Variants in HSD17B12 observed in about 807,000 individuals in gnomAD.
The protein encoded by HSD17B12 is very-long-chain 3-oxoacyl-CoA reductase.
HSD17B12 carries 32 observed loss-of-function variants against 39.3 expected under a neutral mutation model. That is an observed-to-expected ratio of 0.81 (90% CI 0.61 to 1.09). HSD17B12 has a LOEUF of 1.09. Among genes scored for constraint, HSD17B12 ranks in the 50% least tolerant of loss-of-function variants. The pLI is 0.00. For synonymous variants in HSD17B12, 150 were observed against 146.7 expected (o/e 1.02, Z -0.16); for missense variants, 342 against 382.9 (o/e 0.89, Z 0.89).
At chr11:43,855,058 A>C in intron 10 of HSD17B12, 86 bp from the exon 11 acceptor site, 2 of 1,120,970 alleles carry the variant, frequency 1.8e-6, no homozygotes, top group East Asian at 2.4e-5. Context: ...TAAAAACAAC[A>C]CTATAATAAA....
intron 1 of HSD17B12, among the ~76,000 whole-genome samples, chr11:43,726,107 A>G (rs2134876440): frequency 6.6e-6 from 1 of 152,352 alleles, no homozygotes; most frequent in South Asian, 2.1e-4. Flanking sequence ...TAATAAAAGC[A>G]TATGGCTGAC....
chr11:43,774,953 G>A (rs1410643574), intron 3 of HSD17B12, among the ~76,000 whole-genome samples: 1 of 152,182 alleles, frequency 6.6e-6, no homozygotes. Context: ...CTAATCAGTT[G>A]ACTTTGAGTT....
the HSD17B12 span, among the ~76,000 whole-genome samples, chr11:43,609,380 T>G: frequency 6.7e-6 from 1 of 149,856 alleles, no homozygotes; most frequent in African/African-American, 2.4e-5. Flanking sequence ...TATATAATAT[T>G]TTAAAGATAG....
the HSD17B12 span, among the ~76,000 whole-genome samples, chr11:43,603,599 T>A: frequency 6.6e-6 from 1 of 152,248 alleles, no homozygotes; most frequent in Non-Finnish European, 1.5e-5. Context: ...ATGTTGTAAG[T>A]GATGGGTTAT....
chr11:43,598,223 G>C, the HSD17B12 span, among the ~76,000 whole-genome samples: 1 of 152,098 alleles, frequency 6.6e-6, no homozygotes, highest in Non-Finnish European at 1.5e-5. Flanking sequence ...GTGATTCTTT[G>C]CAACTGCTTC....
At chr11:43,589,385 T>C in the HSD17B12 span, among the ~76,000 whole-genome samples, 1 of 152,238 alleles carries the variant, frequency 6.6e-6, no homozygotes, top group African/African-American at 2.4e-5. Flanking sequence ...ATATGGTCCC[T>C]ACATTTTCTG....
the HSD17B12 span, among the ~76,000 whole-genome samples, chr11:43,572,084 A>G: frequency 5.9e-5 from 9 of 152,314 alleles, no homozygotes; most frequent in African/African-American, 1.2e-4. Flanking sequence ...GTTTCTTGGA[A>G]GACTGGACCA....
the HSD17B12 span, among the ~76,000 whole-genome samples, chr11:43,573,166 C>T: frequency 6.6e-6 from 1 of 152,204 alleles, no homozygotes; most frequent in Non-Finnish European, 1.5e-5. Flanking sequence ...CGGTTTTCAC[C>T]TTGGACAGGT....
chr11:43,689,499 C>T (rs781034453), intron 1 of HSD17B12, among the ~76,000 whole-genome samples: 12 of 152,076 alleles, frequency 7.9e-5, no homozygotes, highest in Admixed American at 2.6e-4. Flanking sequence ...GTATTTGTCT[C>T]GTGGCTTTGA....
At chr11:43,686,206 G>A (rs1175167334) in intron 1 of HSD17B12, among the ~76,000 whole-genome samples, 2 of 152,166 alleles carry the variant, frequency 1.3e-5, no homozygotes, top group Non-Finnish European at 1.5e-5. Context: ...TCTTACTGGC[G>A]AGCCAATGTT....
intron 9 of HSD17B12, among the ~76,000 whole-genome samples, chr11:43,844,325 C>T (rs1043976905): frequency 3.9e-5 from 6 of 152,078 alleles, no homozygotes; most frequent in Admixed American, 1.3e-4. Flanking sequence ...TTTATAAGAT[C>T]ATTTAAAATT....
At chr11:43,808,462 T>C (rs1171968377) in intron 4 of HSD17B12, among the ~76,000 whole-genome samples, 1 of 152,156 alleles carries the variant, frequency 6.6e-6, no homozygotes, top group African/African-American at 2.4e-5. Flanking sequence ...TCACTAATGG[T>C]ATTAATTAAA....
At chr11:43,646,848 T>C in the HSD17B12 span, among the ~76,000 whole-genome samples, 2 of 152,212 alleles carry the variant, frequency 1.3e-5, no homozygotes, top group African/African-American at 4.8e-5. Flanking sequence ...TTGTGTAATA[T>C]ACAAAGGCAA....
At chr11:43,764,795 C>T (rs1199965111) in intron 3 of HSD17B12, among the ~76,000 whole-genome samples, 2 of 152,008 alleles carry the variant, frequency 1.3e-5, no homozygotes, top group East Asian at 1.9e-4. Context: ...TCTATAAGTG[C>T]TTTATATTTT....
the HSD17B12 span, among the ~76,000 whole-genome samples, chr11:43,654,247 C>T: frequency 2.0e-5 from 3 of 151,914 alleles, no homozygotes; most frequent in Non-Finnish European, 4.4e-5. Context: ...GGGTTGTTTG[C>T]TTTTTTCTTG....
chr11:43,622,501 A>C, the HSD17B12 span, among the ~76,000 whole-genome samples: 1 of 152,106 alleles, frequency 6.6e-6, no homozygotes, highest in Non-Finnish European at 1.5e-5. Context: ...TTGGAGTCTC[A>C]CTTTCATTTT....
rs1234845150 is a variant in HSD17B12 at position 43,750,226 on chromosome 11, TC to T, written c.161-682del. ...TCCTGGAAGATTCCCGTATTGCCCT[TC>T]CCTGTTATCTACTCCACTATCCAGA... On this transcript the variant is annotated intron_variant, in intron 1 of 10. Transcript: ENST00000278353. Among the ~76,000 whole-genome samples, 8 of 152,240 alleles carry T rather than the reference TC, an allele frequency of 5.3e-5. No individual in the cohort carries two copies. The East Asian group carries it at 1.5e-3, about 29-fold the overall frequency.
the HSD17B12 span, among the ~76,000 whole-genome samples, chr11:43,600,502 C>A: frequency 2.0e-5 from 3 of 152,130 alleles, no homozygotes; most frequent in South Asian, 6.2e-4. Context: ...AGGCTGTCAG[C>A]GTGATTATTT....
the HSD17B12 span, among the ~76,000 whole-genome samples, chr11:43,658,284 T>A: frequency 1.3e-5 from 2 of 152,238 alleles, no homozygotes; most frequent in African/African-American, 4.8e-5. Flanking sequence ...ATTCTAGTTA[T>A]GCATTCGTCT....
Sources: allele counts gnomAD v4.1 joint callset (sites outside exome capture counted in the v4.1 genomes callset), GRCh38; gene constraint gnomAD v4.1.1; transcripts MANE v1.5; gene names NCBI Gene and HGNC (gene_info 2026-07-23, HGNC 2026-07-21).